Variants in DSCAM observed in about 807,000 individuals in gnomAD.
DSCAM encodes the protein cell adhesion molecule DSCAM.
In DSCAM, 47 loss-of-function variants were observed where a neutral mutation model predicts 217.7. The ratio of observed to expected loss-of-function variants is 0.22; its 90% CI spans 0.17 to 0.28. The LOEUF (loss-of-function observed/expected upper bound fraction) is 0.28, where lower values mean the gene tolerates loss of function less well. DSCAM is among the 10% of genes least tolerant of loss of function. The pLI is 1.00. For synonymous variants in DSCAM, 1,056 were observed against 1,015.3 expected, an observed-to-expected ratio of 1.04 and a Z score of -0.76; for missense variants, 2,080 against 2,618.3, an observed-to-expected ratio of 0.79 and a Z score of 4.49.
intron 3 of DSCAM, among the ~76,000 whole-genome samples, chr21:40,529,695 G>A (rs150428163): frequency 2.0e-5 from 3 of 152,218 alleles, no homozygotes; most frequent in South Asian, 2.1e-4. Context: ...TGTTCCAGAC[G>A]TGACTTTGAG....
At chr21:40,655,787 G>A (rs1367964431) in intron 3 of DSCAM, among the ~76,000 whole-genome samples, 1 of 152,026 alleles carries the variant, frequency 6.6e-6, no homozygotes, top group African/African-American at 2.4e-5. Flanking sequence ...GGCATGGTAG[G>A]TCATGCCTAT....
rs575418490 is a variant in DSCAM at position 40,702,939 on chromosome 21, A to G, written c.361+5515T>C. On this transcript the variant is annotated intron_variant, in intron 2 of 32. Transcript: ENST00000400454. ...TGTAGGCCTTAATGCTATTGTTGCTATAAGTTTTACTTCTGCCTATGTTAC... is the reference window on the plus strand; with the variant it reads ...TGTAGGCCTTAATGCTATTGTTGCTGTAAGTTTTACTTCTGCCTATGTTAC... Among the ~76,000 whole-genome samples the G allele has an allele frequency of 8.5e-5, 13 of 152,310 alleles. No individual in the cohort carries two copies. In the South Asian group the frequency reaches 1.5e-3, roughly 17 times the overall value.
At chr21:40,257,802 C>T (rs2073394728) in intron 11 of DSCAM, among the ~76,000 whole-genome samples, 1 of 152,002 alleles carries the variant, frequency 6.6e-6, no homozygotes, top group Non-Finnish European at 1.5e-5. Flanking sequence ...CAATACATGG[C>T]CAAGGTAGCA....
intron 3 of DSCAM, among the ~76,000 whole-genome samples, chr21:40,507,830 A>C (rs1346687864): frequency 6.6e-6 from 1 of 152,088 alleles, no homozygotes; most frequent in Non-Finnish European, 1.5e-5. Flanking sequence ...CATTCACAGG[A>C]GACTGTTGGA....
chr21:40,741,614 T>C (rs2091124964), intron 1 of DSCAM, among the ~76,000 whole-genome samples: 1 of 152,084 alleles, frequency 6.6e-6, no homozygotes, highest in African/African-American at 2.4e-5. Flanking sequence ...ATTTAATGCA[T>C]GAAGTCTGAG....
chr21:40,644,568 C>T (rs372353162), intron 3 of DSCAM, among the ~76,000 whole-genome samples: 487 of 152,202 alleles, frequency 3.2e-3, no homozygotes, highest in African/African-American at 0.011. Flanking sequence ...TGGTGGTGGG[C>T]CAATCTTTCA....
chr21:40,771,902 GAA>G (rs10559402), intron 1 of DSCAM, among the ~76,000 whole-genome samples: 9,749 of 152,266 alleles, frequency 0.064, 320 homozygotes, highest in Middle Eastern at 0.099. Flanking sequence ...CGCATACAAT[GAA>G]GAGGGGAAAA....
chr21:40,370,088 C>A (rs1194402128), intron 3 of DSCAM, among the ~76,000 whole-genome samples: 1 of 152,026 alleles, frequency 6.6e-6, no homozygotes, highest in Non-Finnish European at 1.5e-5. Context: ...TTTAAGAGGG[C>A]AAAAATGTTT....
intron 18 of DSCAM, 62 bp from the exon 19 acceptor site, chr21:40,134,071 GC>G: frequency 6.4e-7 from 1 of 1,552,476 alleles, no homozygotes; most frequent in South Asian, 1.2e-5. Flanking sequence ...TCGTTTTTCC[GC>G]ACTGTCCCCA....
chr21:40,628,680 G>A (rs1427049648), intron 3 of DSCAM, among the ~76,000 whole-genome samples: 1 of 151,952 alleles, frequency 6.6e-6, no homozygotes, highest in Admixed American at 6.6e-5. Flanking sequence ...ATGGTCCATG[G>A]TATAAGCACT....
intron 32 of DSCAM, among the ~76,000 whole-genome samples, chr21:40,019,857 T>A (rs2088229983): frequency 6.6e-6 from 1 of 152,250 alleles, no homozygotes; most frequent in Non-Finnish European, 1.5e-5. Flanking sequence ...ATGATTTCCA[T>A]ACTCTATGGT....
chr21:40,387,202 G>T (rs1365747986), intron 3 of DSCAM, among the ~76,000 whole-genome samples: 1 of 152,098 alleles, frequency 6.6e-6, no homozygotes, highest in African/African-American at 2.4e-5. Flanking sequence ...TAACAGCAAA[G>T]ATCTTGTTGA....
chr21:40,383,960 T>C (rs2075053959), intron 3 of DSCAM: 1 of 152,216 alleles, frequency 6.6e-6, no homozygotes, highest in Admixed American at 6.5e-5. Context: ...AGGTGGGTTA[T>C]ACAGTGTTTC....
At chr21:40,198,761 T>C (rs1601432604) in intron 11 of DSCAM, among the ~76,000 whole-genome samples, 1 of 152,088 alleles carries the variant, frequency 6.6e-6, no homozygotes, top group Admixed American at 6.5e-5. Context: ...CAGTGGGAGG[T>C]GGGATGACAT....
intron 1 of DSCAM, among the ~76,000 whole-genome samples, chr21:40,754,161 G>A (rs1238105444): frequency 1.3e-5 from 2 of 152,144 alleles, no homozygotes. Context: ...CACATCCTCC[G>A]TGTTTCTGCC....
intron 32 of DSCAM, among the ~76,000 whole-genome samples, chr21:40,022,628 G>A (rs540041956): frequency 6.6e-6 from 1 of 152,330 alleles, no homozygotes; most frequent in African/African-American, 2.4e-5. Context: ...TGAGGCAGGA[G>A]CTGATTCCAG....
intron 9 of DSCAM, among the ~76,000 whole-genome samples, chr21:40,309,890 T>C (rs376540488): frequency 6.6e-6 from 1 of 152,144 alleles, no homozygotes; most frequent in Admixed American, 6.6e-5. Flanking sequence ...CAGCTACTAG[T>C]GTGACAACTA....
chr21:40,262,758 A>C (rs967088702), intron 11 of DSCAM, among the ~76,000 whole-genome samples: 9 of 152,220 alleles, frequency 5.9e-5, no homozygotes, highest in South Asian at 2.1e-4. Flanking sequence ...AGTGATAGAA[A>C]TGAGGTACAA....
At chr21:40,809,659 C>A (rs539104853) in intron 1 of DSCAM, among the ~76,000 whole-genome samples, 1 of 152,282 alleles carries the variant, frequency 6.6e-6, no homozygotes, top group East Asian at 1.9e-4. Flanking sequence ...CTCTAGGAGA[C>A]GTCATGCTTC....
Sources: gnomAD v4.1 joint callset for allele counts (sites outside exome capture counted in the v4.1 genomes callset) on GRCh38, gnomAD v4.1.1 for gene constraint, MANE v1.5 for transcripts, NCBI Gene and HGNC (gene_info 2026-07-23, HGNC 2026-07-21) for gene names.